The following EPDR1 variants were observed in gnomAD, a reference collection of about 807,000 sequenced individuals.
EPDR1 encodes mammalian ependymin-related protein 1.
Under a neutral mutation model 23.7 loss-of-function variants are expected in EPDR1, and 27 were observed. The ratio of observed to expected loss-of-function variants is 1.14; its 90% CI spans 0.84 to 1.57. EPDR1 has a LOEUF of 1.57. Ranked by LOEUF, EPDR1 falls within the 40% of genes most tolerant of loss-of-function variation. The pLI is 0.00. For missense variants in EPDR1, 349 were observed against 290.4 expected (o/e 1.20, Z -1.47); for synonymous variants, 137 against 118.2 (o/e 1.16, Z -1.03).
At chr7:37,922,875 T>C (rs1385101938) in intron 1 of EPDR1, among the ~76,000 whole-genome samples, 3 of 152,130 alleles carry the variant, frequency 2.0e-5, no homozygotes, top group Admixed American at 6.5e-5. Flanking sequence ...AAGAACTCAG[T>C]TGGGCACCTA....
chr7:37,921,075 C>A lies in EPDR1; in HGVS notation c.136C>A (p.Gln46Lys), dbSNP rs1056805135. The A allele has an allele frequency of 1.3e-6, 2 of 1,571,538 alleles. No homozygotes were observed. Among genetic ancestry groups the A allele is most frequent in the African/African-American group, 2.7e-5 (2 of 73,076 alleles). The change falls in exon 1 of 3, where the codon CAG becomes AAG. Residue 46 changes from glutamine (Q) to lysine (K), a missense_variant. By Grantham distance (53) the Gln-to-Lys change is moderately conservative. Transcript: ENST00000199448. ...AGCCCCGCGCCCGTGCCAGGCGCCG[C>A]AGCAGTGGGAGGGGCGCCAGGTTAT... ...VGAPRPCQAP[Q>K]QWEGRQVMYQ...
rs1408643839 is a variant in EPDR1, at chr7:37,951,283, T to G, written c.*887T>G. The stretch of plus-strand genomic sequence containing the variant: ...TCACTCCTTTGGTCATTAAATGCAC[T>G]GGGCTTGCCCGCACTTTGGCCTTCC... On this transcript the variant is annotated 3_prime_UTR_variant, in exon 3 of 3. Coordinates refer to ENST00000199448, the MANE Select transcript of EPDR1 (RefSeq NM_017549.5). 1 of 152,266 alleles carries G rather than the reference T, an allele frequency of 6.6e-6. No homozygotes were observed. Among genetic ancestry groups the G allele is most frequent in the East Asian group, 1.9e-4 (1 of 5,202 alleles). The allele number at this position is 152,266 out of a possible 1,614,324, so 9.4% of individuals were successfully genotyped here.
chr7:37,946,851 T>C (rs1311112352), intron 1 of EPDR1, among the ~76,000 whole-genome samples: 1 of 144,826 alleles, frequency 6.9e-6, no homozygotes, highest in African/African-American at 2.4e-5. Context: ...AATAAGGACA[T>C]AAAGAAAATA....
At chr7:37,926,695 CA>C in intron 1 of EPDR1, 1 of 454,436 alleles carries the variant, frequency 2.2e-6, no homozygotes, top group Non-Finnish European at 4.4e-6. Context: ...GCAGGAATAT[CA>C]GGGATAATAC....
chr7:37,939,478 A>G (rs185524357), intron 1 of EPDR1, among the ~76,000 whole-genome samples: 2 of 152,182 alleles, frequency 1.3e-5, no homozygotes, highest in African/African-American at 2.4e-5. Context: ...GCCTTATAAT[A>G]AATTTAATAT....
chr7:37,943,910 C>A (rs1270651114), intron 1 of EPDR1, among the ~76,000 whole-genome samples: 1 of 152,208 alleles, frequency 6.6e-6, no homozygotes, highest in Non-Finnish European at 1.5e-5. Context: ...TCCCTGCTGT[C>A]CCCTGCCCTT....
Position 37,947,619 on chromosome 7 carries a change from C to A in EPDR1, c.270-1221C>A, listed in dbSNP as rs112116377. On this transcript the variant is annotated intron_variant, in intron 1 of 2. Transcript: ENST00000199448. The stretch of plus-strand genomic sequence containing the variant: ...GTTGGCTATTTTTATTTGCTGATGA[C>A]AAGTCACTTCTCTAGGCTCTTCAGC... 3.3e-3 allele frequency among the ~76,000 whole-genome samples: 499 copies of A among 152,298 alleles called. 1 individual carries two copies. Among genetic ancestry groups the A allele is most frequent in the African/African-American group, 0.011 (466 of 41,548 alleles).
At chr7:37,934,939 T>A (rs1471392212) in intron 1 of EPDR1, among the ~76,000 whole-genome samples, 1 of 150,238 alleles carries the variant, frequency 6.7e-6, no homozygotes, top group African/African-American at 2.4e-5. Flanking sequence ...AGTGACACTT[T>A]GTCTTTAAAA....
intron 1 of EPDR1, among the ~76,000 whole-genome samples, chr7:37,925,709 T>A (rs1466468508): frequency 6.6e-6 from 1 of 152,198 alleles, no homozygotes; most frequent in Non-Finnish European, 1.5e-5. Context: ...TTTTTCATCT[T>A]TTAATTTAAT....
At chr7:37,949,432 G>T (rs1285271500) in intron 2 of EPDR1, among the ~76,000 whole-genome samples, 1 of 152,140 alleles carries the variant, frequency 6.6e-6, no homozygotes, top group Non-Finnish European at 1.5e-5. Flanking sequence ...CTCCCATCAT[G>T]CTGAGTGTGC....
chr7:37,932,766 G>A (rs1483549769), intron 1 of EPDR1, among the ~76,000 whole-genome samples: 1 of 152,068 alleles, frequency 6.6e-6, no homozygotes, highest in Non-Finnish European at 1.5e-5. Flanking sequence ...TTCTTTTTGT[G>A]GTGGTGAAAC....
intron 1 of EPDR1, among the ~76,000 whole-genome samples, chr7:37,940,160 C>G (rs1390688170): frequency 6.6e-6 from 1 of 152,056 alleles, no homozygotes; most frequent in Non-Finnish European, 1.5e-5. Flanking sequence ...GCAGAAAGGT[C>G]TATATGGCAT....
chr7:37,927,222 G>T (rs1785832050), intron 1 of EPDR1, among the ~76,000 whole-genome samples: 1 of 152,136 alleles, frequency 6.6e-6, no homozygotes, highest in African/African-American at 2.4e-5. Flanking sequence ...AAAGCAAGGG[G>T]TGTTAAGTTT....
In EPDR1 at chr7:37,950,123, A is replaced by C. The variant is rs891451347; in HGVS notation, c.479-77A>C. On this transcript the variant is annotated intron_variant, in intron 2 of 2. Transcript: ENST00000199448. ...AAATGGTAAATTTTATGTTATGTAC[A>C]TTTTACCACCATAAGAAAAAATATG... is the stretch of plus-strand genomic sequence containing the variant. The C allele has an allele frequency of 3.6e-6, 4 of 1,123,440 alleles. No individual in the cohort carries two copies. In the African/African-American group the frequency reaches 6.2e-5, roughly 17 times the overall value. The allele number at this position is 1,123,440 out of a possible 1,614,324, so 69.6% of individuals were successfully genotyped here.
At chr7:37,921,513 C>G in intron 1 of EPDR1, 1 of 1,316,132 alleles carries the variant, frequency 7.6e-7, no homozygotes, top group Non-Finnish European at 9.6e-7. Flanking sequence ...CCAGGTTCGC[C>G]CCTGTTCTCA....
chr7:37,925,970 TG>T (rs1204210094), intron 1 of EPDR1, among the ~76,000 whole-genome samples: 2 of 152,200 alleles, frequency 1.3e-5, no homozygotes, highest in Admixed American at 1.3e-4. Flanking sequence ...CCTGTGCTTA[TG>T]AGTAGAAAAA....
At chr7:37,946,238 G>A (rs538440722) in intron 1 of EPDR1, among the ~76,000 whole-genome samples, 3 of 152,286 alleles carry the variant, frequency 2.0e-5, no homozygotes, top group African/African-American at 4.8e-5. Flanking sequence ...ATTCCTTGGG[G>A]TATATACACA....
At chr7:37,929,138 T>C (rs889804921) in intron 1 of EPDR1, among the ~76,000 whole-genome samples, 1 of 152,250 alleles carries the variant, frequency 6.6e-6, no homozygotes, top group African/African-American at 2.4e-5. Context: ...AGAAGCTGCA[T>C]GACTTACTCC....
chr7:37,946,726 T>C (rs906427129), intron 1 of EPDR1, among the ~76,000 whole-genome samples: 2 of 152,190 alleles, frequency 1.3e-5, no homozygotes, highest in African/African-American at 4.8e-5. Context: ...AAGAGGGTGA[T>C]ACTTATGATC....
Sources: allele counts gnomAD v4.1 joint callset (sites outside exome capture counted in the v4.1 genomes callset), GRCh38; gene constraint gnomAD v4.1.1; transcripts MANE v1.5; gene names NCBI Gene and HGNC (gene_info 2026-07-23, HGNC 2026-07-21).